Variants in SLC12A7 observed in about 807,000 individuals in gnomAD.
SLC12A7 encodes the protein solute carrier family 12 member 7.
A neutral mutation model predicts 120.6 loss-of-function variants in SLC12A7; 100 were observed. The observed-to-expected ratio is 0.83, with a 90% CI of 0.71 to 0.98. The LOEUF is 0.98. Among genes scored for constraint, SLC12A7 ranks in the 50% least tolerant of loss-of-function variants. The pLI, the probability that SLC12A7 is intolerant of heterozygous loss-of-function variation, is 0.00. For missense variants in SLC12A7, 1,373 were observed against 1,548.1 expected, an observed-to-expected ratio of 0.89 and a Z score of 1.90; for synonymous variants, 760 against 678.0, an observed-to-expected ratio of 1.12 and a Z score of -1.88.
chr5:1,092,309 G>A (rs557560009), intron 3 of SLC12A7, among the ~76,000 whole-genome samples: 1 of 152,354 alleles, frequency 6.6e-6, no homozygotes, highest in South Asian at 2.1e-4. Flanking sequence ...TGGCGTCGAC[G>A]CAAAGCGCAG....
intron 12 of SLC12A7, 64 bp downstream of exon 12, chr5:1,077,769 G>A (rs1036045082): frequency 2.7e-5 from 40 of 1,456,478 alleles, no homozygotes; most frequent in East Asian, 2.3e-4. Context: ...TGAGGATCCC[G>A]CAGGGGAGGA....
At chr5:1,073,886 G>C (rs773735270) in intron 16 of SLC12A7, 85 bp from the exon 17 acceptor site, 21 of 1,263,170 alleles carry the variant, frequency 1.7e-5, no homozygotes, top group Non-Finnish European at 2.1e-5. Context: ...GGGACGGGCG[G>C]GGCACACGAC....
chr5:1,053,106 AGT>A (rs1286373327), intron 23 of SLC12A7, among the ~76,000 whole-genome samples: 1 of 152,182 alleles, frequency 6.6e-6, no homozygotes, highest in Non-Finnish European at 1.5e-5. Context: ...ACCTGGGGAC[AGT>A]GGGGCTGGTA....
the SLC12A7 span, among the ~76,000 whole-genome samples, chr5:1,124,060 T>C: frequency 6.6e-6 from 1 of 152,178 alleles, no homozygotes; most frequent in East Asian, 1.9e-4. Context: ...TAAAAATACA[T>C]TTAAAAAATA....
chr5:1,133,350 C>T, the SLC12A7 span, among the ~76,000 whole-genome samples: 1 of 152,210 alleles, frequency 6.6e-6, no homozygotes, highest in African/African-American at 2.4e-5. Context: ...TCTTCAGACC[C>T]CAGCTTGAAT....
chr5:1,122,559 T>A, the SLC12A7 span, among the ~76,000 whole-genome samples: 1 of 152,260 alleles, frequency 6.6e-6, no homozygotes, highest in African/African-American at 2.4e-5. Context: ...TTCCCACAGC[T>A]GTGCGTCCAC....
intron 1 of SLC12A7, among the ~76,000 whole-genome samples, chr5:1,101,579 G>T (rs1463819384): frequency 2.0e-5 from 3 of 152,226 alleles, no homozygotes; most frequent in African/African-American, 7.2e-5. Flanking sequence ...TCAAGCCCTG[G>T]CCTGAAGAAC....
chr5:1,083,482 C>A (rs1440680120), intron 8 of SLC12A7, among the ~76,000 whole-genome samples: 1 of 152,222 alleles, frequency 6.6e-6, no homozygotes, highest in Non-Finnish European at 1.5e-5. Flanking sequence ...GCCAGGAGGT[C>A]ATGAAAATAA....
chr5:1,102,370 C>T (rs1742104208), intron 1 of SLC12A7, among the ~76,000 whole-genome samples: 1 of 152,208 alleles, frequency 6.6e-6, no homozygotes, highest in Non-Finnish European at 1.5e-5. Flanking sequence ...CTCCATCAGC[C>T]TCCCTATCTC....
chr5:1,120,246 G>T, the SLC12A7 span, among the ~76,000 whole-genome samples: 1 of 152,244 alleles, frequency 6.6e-6, no homozygotes, highest in Non-Finnish European at 1.5e-5. Flanking sequence ...CTCAGAAGAC[G>T]CTCTCAAGGG....
At chr5:1,078,823 T>C in intron 10 of SLC12A7, 65 bp from the exon 11 acceptor site, 2 of 36,012 alleles carry the variant, frequency 5.6e-5, no homozygotes, top group Non-Finnish European at 4.8e-5. Context: ...GGGGGTGGGG[T>C]GGGGTGGGGT....
At chr5:1,061,052 T>TCACCCGCCG (rs1242300872) in intron 20 of SLC12A7, among the ~76,000 whole-genome samples, 5 of 124,338 alleles carry the variant, frequency 4.0e-5, no homozygotes, top group Non-Finnish European at 6.7e-5. Flanking sequence ...TCCCTGAGTC[T>TCACCCGCCG]CACCCGCCGC....
the SLC12A7 span, among the ~76,000 whole-genome samples, chr5:1,143,452 C>T: frequency 4.6e-5 from 7 of 152,336 alleles, no homozygotes; most frequent in South Asian, 2.1e-4. Flanking sequence ...TGCACACACG[C>T]ATCCCTGGTG....
Position 1,063,977 on chromosome 5 carries a change from T to A in SLC12A7, c.2608-2A>T, listed in dbSNP as rs779882483. 1.2e-6 allele frequency: 2 copies of A among 1,611,896 alleles called. No individual in the cohort carries two copies. The highest frequency in any genetic ancestry group is 1.1e-5 in the South Asian group (1 of 91,010). Reference sequence around the variant, plus strand: ...ACGCATCCGGCACTTCCTCCACACCTGCAGACAGGGAGGGCATGGCTGTGG... The same window carrying A: ...ACGCATCCGGCACTTCCTCCACACCAGCAGACAGGGAGGGCATGGCTGTGG... On this transcript the variant is annotated splice_acceptor_variant, in intron 19 of 23. Transcript: ENST00000264930. LOFTEE classifies it high-confidence loss of function.
At chr5:1,073,543 T>G in intron 17 of SLC12A7, 90 bp downstream of exon 17, 2 of 1,378,406 alleles carry the variant, frequency 1.5e-6, no homozygotes, top group Non-Finnish European at 2.0e-6. Flanking sequence ...AGCACCGTGT[T>G]GACACGCTGC....
At chr5:1,057,425 C>A (rs1167131310) in intron 22 of SLC12A7, 46 bp downstream of exon 22, 8 of 1,552,950 alleles carry the variant, frequency 5.2e-6, no homozygotes, top group African/African-American at 1.4e-5. Context: ...GCCGGGCCAG[C>A]ACTGCCAGGA....
chr5:1,080,486 C>T (rs1163360230), intron 9 of SLC12A7, among the ~76,000 whole-genome samples: 4 of 152,246 alleles, frequency 2.6e-5, no homozygotes, highest in Non-Finnish European at 4.4e-5. Context: ...CCAGGCCCTG[C>T]AGCTGACCCT....
intron 6 of SLC12A7, among the ~76,000 whole-genome samples, chr5:1,085,990 A>G (rs931480061): frequency 6.6e-6 from 1 of 152,162 alleles, no homozygotes; most frequent in African/African-American, 2.4e-5. Context: ...GAGACGTGAG[A>G]CAGTGCTGCT....
intron 1 of SLC12A7, among the ~76,000 whole-genome samples, chr5:1,102,564 C>T (rs773855431): frequency 6.6e-5 from 10 of 152,246 alleles, no homozygotes; most frequent in South Asian, 2.1e-4. Context: ...AGCCTCCGCC[C>T]CTTCCTGCCC....
Sources: gnomAD v4.1 joint callset for allele counts (sites outside exome capture counted in the v4.1 genomes callset) on GRCh38, gnomAD v4.1.1 for gene constraint, MANE v1.5 for transcripts, NCBI Gene and HGNC (gene_info 2026-07-23, HGNC 2026-07-21) for gene names.